DLGAP2: variants seen among roughly 807,000 people sequenced by gnomAD.
The protein encoded by DLGAP2 is disks large-associated protein 2.
Under a neutral mutation model 100.3 loss-of-function variants are expected in DLGAP2, and 26 were observed. That is an observed-to-expected ratio of 0.26 (90% CI 0.19 to 0.36). The LOEUF (loss-of-function observed/expected upper bound fraction) is 0.36. Ranked by LOEUF, DLGAP2 falls within the 10% of genes least tolerant of loss-of-function variation. DLGAP2 has a pLI of 1.00. For synonymous variants in DLGAP2, 886 were observed against 630.1 expected (o/e 1.41, Z -6.08); for missense variants, 1,858 against 1,453.2 (o/e 1.28, Z -4.53).
At chr8:1,279,667 G>C (rs756368809) in intron 3 of DLGAP2, among the ~76,000 whole-genome samples, 1 of 152,190 alleles carries the variant, frequency 6.6e-6, no homozygotes, top group Non-Finnish European at 1.5e-5. Flanking sequence ...AGCTTGTGAG[G>C]CTTGGCTGAG....
At chr8:1,131,761 AT>A (rs1351379531) in intron 2 of DLGAP2, among the ~76,000 whole-genome samples, 18 of 152,034 alleles carry the variant, frequency 1.2e-4, no homozygotes, top group Non-Finnish European at 1.9e-4. Context: ...CATTTCCTGT[AT>A]TTCTAGCTTG....
rs1161761923 is a variant in DLGAP2, at chr8:943,140, C to G, written c.73+35174C>G. On this transcript the variant is annotated intron_variant, in intron 2 of 14. Transcript: ENST00000637795. ...CAGAGGGTGTGCGCACAGTGAGGAA[C>G]TCTTACAATTTTAGGGGCTATTTTA... is the stretch of plus-strand genomic sequence containing the variant. Among the ~76,000 whole-genome samples the G allele has an allele frequency of 4.6e-5, 7 of 152,160 alleles. No homozygotes were observed. In the South Asian group the frequency reaches 1.4e-3, roughly 32 times the overall value.
intron 1 of DLGAP2, among the ~76,000 whole-genome samples, chr8:802,089 G>A (rs1217723001): frequency 1.7e-4 from 23 of 134,620 alleles, no homozygotes; most frequent in East Asian, 2.6e-4. Flanking sequence ...CCGTCCTCAC[G>A]GCCTGGGGAA....
intron 2 of DLGAP2, among the ~76,000 whole-genome samples, chr8:1,011,780 T>C (rs574416599): frequency 6.6e-6 from 1 of 152,214 alleles, no homozygotes; most frequent in East Asian, 1.9e-4. Context: ...GGGGTCTCAG[T>C]CTACACAGTG....
chr8:1,200,542 G>A (rs969781875), intron 2 of DLGAP2, among the ~76,000 whole-genome samples: 6 of 152,094 alleles, frequency 3.9e-5, no homozygotes, highest in African/African-American at 9.7e-5. Flanking sequence ...GGTCTGACCC[G>A]CCAGCTCCTC....
intron 1 of DLGAP2, among the ~76,000 whole-genome samples, chr8:842,485 A>G (rs980481760): frequency 6.6e-6 from 1 of 151,950 alleles, no homozygotes. Flanking sequence ...GAGGACTTTT[A>G]CTCTCTTTAT....
At chr8:978,882 T>C (rs1800247250) in intron 2 of DLGAP2, among the ~76,000 whole-genome samples, 1 of 152,194 alleles carries the variant, frequency 6.6e-6, no homozygotes, top group Non-Finnish European at 1.5e-5. Context: ...CAAATACTCA[T>C]AGCCAAAAAT....
At chr8:946,016 G>A (rs900824794) in intron 2 of DLGAP2, among the ~76,000 whole-genome samples, 15 of 152,046 alleles carry the variant, frequency 9.9e-5, no homozygotes, top group African/African-American at 3.1e-4. Flanking sequence ...GTCTCTGGGG[G>A]GTTGAACTCC....
At chr8:1,078,768 C>A (rs760356591) in intron 2 of DLGAP2, among the ~76,000 whole-genome samples, 12 of 152,152 alleles carry the variant, frequency 7.9e-5, no homozygotes, top group Admixed American at 1.3e-4. Flanking sequence ...GAATAACATT[C>A]CATTGTCTGA....
At chr8:1,379,978 G>T (rs1368525085) in intron 3 of DLGAP2, among the ~76,000 whole-genome samples, 1 of 151,114 alleles carries the variant, frequency 6.6e-6, no homozygotes, top group Non-Finnish European at 1.5e-5. Flanking sequence ...TCTTTTGGGG[G>T]TGCTCTCTTC....
chr8:1,490,659 T>A (rs1398991692), intron 3 of DLGAP2, among the ~76,000 whole-genome samples: 1 of 152,172 alleles, frequency 6.6e-6, no homozygotes, highest in Non-Finnish European at 1.5e-5. Flanking sequence ...CCCTTATTGG[T>A]GGCCTCAGCC....
chr8:1,154,507 G>T (rs976239525), intron 2 of DLGAP2, among the ~76,000 whole-genome samples: 1 of 152,162 alleles, frequency 6.6e-6, no homozygotes, highest in Non-Finnish European at 1.5e-5. Flanking sequence ...AGGGAAAATT[G>T]ATCAGAAGAA....
chr8:1,309,761 G>A (rs1383054032), intron 3 of DLGAP2, among the ~76,000 whole-genome samples: 1 of 152,208 alleles, frequency 6.6e-6, no homozygotes, highest in Non-Finnish European at 1.5e-5. Flanking sequence ...TAAAAGATAA[G>A]TGTACGTCTA....
intron 4 of DLGAP2, among the ~76,000 whole-genome samples, chr8:1,542,522 C>T (rs992055666): frequency 1.3e-5 from 2 of 152,176 alleles, no homozygotes; most frequent in African/African-American, 2.4e-5. Context: ...GCTTCTTTCC[C>T]ATGGCATAAG....
At chr8:1,431,132 C>T (rs1797421558) in intron 3 of DLGAP2, among the ~76,000 whole-genome samples, 1 of 152,184 alleles carries the variant, frequency 6.6e-6, no homozygotes, top group African/African-American at 2.4e-5. Context: ...ACCCAGTGTA[C>T]AGAGAACAGA....
At chr8:1,284,994 C>A (rs1799893685) in intron 3 of DLGAP2, among the ~76,000 whole-genome samples, 2 of 152,218 alleles carry the variant, frequency 1.3e-5, no homozygotes, top group Admixed American at 1.3e-4. Flanking sequence ...GTTCTTGGCT[C>A]CACCTGCATC....
At chr8:1,467,498 C>T (rs1798659839) in intron 3 of DLGAP2, among the ~76,000 whole-genome samples, 2 of 152,020 alleles carry the variant, frequency 1.3e-5, no homozygotes, top group African/African-American at 2.4e-5. Flanking sequence ...TCCGTGACCT[C>T]GGCTCCAGAC....
At chr8:1,183,502 C>G (rs1041318386) in intron 2 of DLGAP2, among the ~76,000 whole-genome samples, 2 of 152,296 alleles carry the variant, frequency 1.3e-5, no homozygotes, top group African/African-American at 4.8e-5. Flanking sequence ...GGGTTCCAAG[C>G]CCTGGAAATA....
At chr8:1,643,992 G>A (rs867452527) in intron 8 of DLGAP2, among the ~76,000 whole-genome samples, 2 of 59,372 alleles carry the variant, frequency 3.4e-5, no homozygotes, top group African/African-American at 1.9e-4. Context: ...CGACCCCGCC[G>A]GTCCTCACCT....
Sources: allele counts gnomAD v4.1 joint callset (sites outside exome capture counted in the v4.1 genomes callset), GRCh38; gene constraint gnomAD v4.1.1; transcripts MANE v1.5; gene names NCBI Gene and HGNC (gene_info 2026-07-23, HGNC 2026-07-21).